The following ACSF2 variants were observed in gnomAD, a reference collection of about 807,000 sequenced individuals.
ACSF2 encodes medium-chain acyl-CoA ligase ACSF2, mitochondrial.
A neutral mutation model predicts 79.3 loss-of-function variants in ACSF2; 52 were observed. That is an observed-to-expected ratio of 0.66 (90% confidence interval 0.53 to 0.83). The LOEUF is 0.83. Ranked by LOEUF, ACSF2 falls within the 40% of genes least tolerant of loss-of-function variation. The pLI, the probability that ACSF2 is intolerant of heterozygous loss-of-function variation, is 0.00. For synonymous variants in ACSF2, 283 were observed against 312.6 expected, an observed-to-expected ratio of 0.91 and a Z score of 1.00; for missense variants, 661 against 803.3, an observed-to-expected ratio of 0.82 and a Z score of 2.14.
At chr17:50,437,510 C>T (rs1278693119) in intron 1 of ACSF2, among the ~76,000 whole-genome samples, 1 of 151,990 alleles carries the variant, frequency 6.6e-6, no homozygotes, top group Non-Finnish European at 1.5e-5. Flanking sequence ...AAATAAATCC[C>T]AGCTGAGCGT....
At chr17:50,457,697 A>G (rs944869366) in intron 1 of ACSF2, among the ~76,000 whole-genome samples, 1 of 152,182 alleles carries the variant, frequency 6.6e-6, no homozygotes, top group Admixed American at 6.5e-5. Flanking sequence ...ATTTGTTTAC[A>G]TACATTTCTC....
intron 1 of ACSF2, among the ~76,000 whole-genome samples, chr17:50,444,354 A>G (rs1314390834): frequency 6.6e-6 from 1 of 152,104 alleles, no homozygotes; most frequent in Non-Finnish European, 1.5e-5. Flanking sequence ...GGAGTTTGAG[A>G]CTAACCTGGC....
intron 1 of ACSF2, among the ~76,000 whole-genome samples, chr17:50,428,915 C>T (rs1915273228): frequency 6.6e-6 from 1 of 152,260 alleles, no homozygotes; most frequent in African/African-American, 2.4e-5. Flanking sequence ...CCTCACCCTG[C>T]CAGGAACTTG....
At chr17:50,440,118 C>G (rs1442858386) in intron 1 of ACSF2, among the ~76,000 whole-genome samples, 1 of 151,814 alleles carries the variant, frequency 6.6e-6, no homozygotes, top group African/African-American at 2.4e-5. Flanking sequence ...GACCTAGGGA[C>G]CAGCCTCCCA....
intron 1 of ACSF2, among the ~76,000 whole-genome samples, chr17:50,446,812 T>C (rs4794148): frequency 0.66 from 100,980 of 152,120 alleles, 35,035 homozygotes; most frequent in African/African-American, 0.85. Context: ...AGATTCAGAT[T>C]GCTGGGCATA....
intron 12 of ACSF2, 85 bp from the exon 13 acceptor site, chr17:50,473,580 G>A: frequency 6.3e-7 from 1 of 1,583,450 alleles, no homozygotes. Context: ...ACACATAGTA[G>A]CTGGTCAATA....
intron 1 of ACSF2, among the ~76,000 whole-genome samples, chr17:50,430,024 T>G (rs1915379054): frequency 6.6e-6 from 1 of 152,214 alleles, no homozygotes; most frequent in Non-Finnish European, 1.5e-5. Flanking sequence ...AAAGCTGGCC[T>G]GGGGCTGCCT....
chr17:50,427,608 G>T (rs912553602), intron 1 of ACSF2, among the ~76,000 whole-genome samples: 1 of 152,012 alleles, frequency 6.6e-6, no homozygotes, highest in African/African-American at 2.4e-5. Context: ...GCCCCCTCAG[G>T]CTGGGAGGAC....
At chr17:50,430,019 TG>T (rs1257801462) in intron 1 of ACSF2, among the ~76,000 whole-genome samples, 3 of 152,194 alleles carry the variant, frequency 2.0e-5, no homozygotes, top group Non-Finnish European at 2.9e-5. Context: ...GCCCTAAAGC[TG>T]GCCTGGGGCT....
chr17:50,465,126 C>A (rs902775466), intron 10 of ACSF2: 1 of 695,696 alleles, frequency 1.4e-6, no homozygotes, highest in Non-Finnish European at 2.4e-6. Flanking sequence ...AAGTCCTGGG[C>A]AGGACCTTTT....
intron 1 of ACSF2, among the ~76,000 whole-genome samples, chr17:50,456,757 A>T (rs1488905236): frequency 6.8e-6 from 1 of 146,254 alleles, no homozygotes; most frequent in Non-Finnish European, 1.5e-5. Context: ...AAAATAAAAT[A>T]AAATAAAAAA....
intron 1 of ACSF2, among the ~76,000 whole-genome samples, chr17:50,458,870 A>C (rs1271446145): frequency 1.3e-5 from 2 of 152,308 alleles, no homozygotes; most frequent in African/African-American, 2.4e-5. Flanking sequence ...GATTCCCCCC[A>C]CAGTCTGCCT....
At chr17:50,461,068 G>T in intron 2 of ACSF2, 174 bp from the exon 3 acceptor site, 1 of 1,160,500 alleles carries the variant, frequency 8.6e-7, no homozygotes, top group South Asian at 1.5e-5. Flanking sequence ...GCAGCTCCTG[G>T]GGCACCTGTT....
chr17:50,451,181 C>T (rs1009164253), intron 1 of ACSF2, among the ~76,000 whole-genome samples: 1 of 152,180 alleles, frequency 6.6e-6, no homozygotes, highest in African/African-American at 2.4e-5. Flanking sequence ...TCAAGCGATC[C>T]TCCCACCTTG....
At chr17:50,447,943 G>C (rs2031405735) in intron 1 of ACSF2, among the ~76,000 whole-genome samples, 1 of 152,226 alleles carries the variant, frequency 6.6e-6, no homozygotes, top group Non-Finnish European at 1.5e-5. Context: ...CTCAGCCTGA[G>C]CTTTCACTCT....
intron 1 of ACSF2, among the ~76,000 whole-genome samples, chr17:50,434,026 G>A (rs2030179818): frequency 6.6e-6 from 1 of 151,866 alleles, no homozygotes. Context: ...TCAAGATGCT[G>A]AAAATGGGCC....
chr17:50,472,989 C>T lies in ACSF2; in HGVS notation c.1475+410C>T, dbSNP rs145029093. The T allele has an allele frequency of 5.1e-3, 820 of 159,258 alleles. 5 individuals are homozygous for T. The highest frequency in any genetic ancestry group is 0.019 in the African/African-American group (783 of 41,626). 9.9% of individuals were successfully genotyped at this position (159,258 alleles called of 1,614,324 possible). Reference sequence around the variant, plus strand: ...CAAGAAAATAGGCCAGGCGCGGTGACTCACACCTGTAATCTCAGCAGTTTG... The same window carrying T: ...CAAGAAAATAGGCCAGGCGCGGTGATTCACACCTGTAATCTCAGCAGTTTG... On this transcript the variant is annotated intron_variant, in intron 12 of 15. Transcript: ENST00000300441.
intron 3 of ACSF2, 127 bp from the exon 4 acceptor site, chr17:50,461,506 C>A: frequency 6.3e-7 from 1 of 1,585,018 alleles, no homozygotes; most frequent in South Asian, 1.1e-5. Flanking sequence ...CTCCTGAGGC[C>A]CACCAAGGAG....
intron 1 of ACSF2, among the ~76,000 whole-genome samples, chr17:50,455,986 A>T (rs933219111): frequency 1.3e-5 from 2 of 152,122 alleles, no homozygotes; most frequent in Non-Finnish European, 2.9e-5. Flanking sequence ...AGGGCAACCC[A>T]GTTTTGCTCC....
Sources: allele counts gnomAD v4.1 joint callset (sites outside exome capture counted in the v4.1 genomes callset), GRCh38; gene constraint gnomAD v4.1.1; transcripts MANE v1.5; gene names NCBI Gene and HGNC (gene_info 2026-07-23, HGNC 2026-07-21).